KCNV2: variants seen among roughly 807,000 people sequenced by gnomAD.
KCNV2 encodes potassium voltage-gated channel modifier subfamily V member 2, also known as potassium voltage-gated channel subfamily V member 2.
In KCNV2, 65 loss-of-function variants were observed where a neutral mutation model predicts 37.0. That is an observed-to-expected ratio of 1.76 (90% CI 1.44 to 2.16). The LOEUF (loss-of-function observed/expected upper bound fraction) is 2.16. Among genes scored for constraint, KCNV2 ranks in the 30% most tolerant of loss-of-function variants. The pLI, the probability that KCNV2 is intolerant of heterozygous loss-of-function variation, is 0.00. For missense variants in KCNV2, 1,232 were observed against 766.7 expected, an observed-to-expected ratio of 1.61 and a Z score of -7.17; for synonymous variants, 518 against 328.6, an observed-to-expected ratio of 1.58 and a Z score of -6.23.
rs188289988 is a variant in KCNV2, at chr9:2,723,575, A to G, written c.1356+4480A>G. ...GAGGTTATTTGTGAGCACTAATGTA[A>G]TAGGAAACATATGTAAACTGCTAGC... On this transcript the variant is annotated intron_variant, in intron 1 of 1. Transcript: ENST00000382082. Among the ~76,000 whole-genome samples the G allele has an allele frequency of 5.9e-4, 90 of 152,308 alleles. 1 individual carries two copies. In the East Asian group the frequency reaches 0.017, roughly 28 times the overall value.
chr9:2,719,558 GA>G (rs1819824568), intron 1 of KCNV2, among the ~76,000 whole-genome samples: 1 of 152,088 alleles, frequency 6.6e-6, no homozygotes, highest in Non-Finnish European at 1.5e-5. Context: ...AGACTTGGCT[GA>G]ACCATGTTGA....
chr9:2,723,261 A>C (rs941677437), intron 1 of KCNV2, among the ~76,000 whole-genome samples: 2 of 152,212 alleles, frequency 1.3e-5, no homozygotes, highest in African/African-American at 4.8e-5. Context: ...CCTTTGTGAA[A>C]TATGCATCCC....
At chr9:2,722,662 C>T (rs921241971) in intron 1 of KCNV2, among the ~76,000 whole-genome samples, 2 of 150,440 alleles carry the variant, frequency 1.3e-5, no homozygotes, top group African/African-American at 2.5e-5. Flanking sequence ...GCCATAATAA[C>T]GATACATCAC....
At chr9:2,725,440 T>G (rs941071265) in intron 1 of KCNV2, among the ~76,000 whole-genome samples, 1 of 152,236 alleles carries the variant, frequency 6.6e-6, no homozygotes, top group African/African-American at 2.4e-5. Flanking sequence ...ATTCAGTATT[T>G]TAAAATAGTT....
chr9:2,725,636 G>C (rs1308882721), intron 1 of KCNV2, among the ~76,000 whole-genome samples: 1 of 152,142 alleles, frequency 6.6e-6, no homozygotes, highest in Non-Finnish European at 1.5e-5. Flanking sequence ...CACGTATTGA[G>C]GCTTATAATA....
rs2130861398 is a variant in KCNV2 at position 2,718,627 on chromosome 9, A to C, written c.888A>C (p.Pro296=). 1 of 1,613,196 alleles carries C rather than the reference A, an allele frequency of 6.2e-7. No homozygotes were observed. Among genetic ancestry groups the C allele is most frequent in the Non-Finnish European group, 8.5e-7 (1 of 1,179,826 alleles). Residue 296 remains proline, a synonymous_variant, in exon 1 of 2, where the codon CCA becomes CCC. Coordinates refer to ENST00000382082, the MANE Select transcript of KCNV2 (RefSeq NM_133497.4). ...ACTCGGGGCAGGGCGAGGGCGGCCC[A>C]GACCTGCGGCCCATCCTGGAGCACG... The part of the protein sequence containing the change: ...QQHSGQGEGG[P]DLRPILEHVE...
intron 1 of KCNV2, among the ~76,000 whole-genome samples, chr9:2,726,865 C>A (rs1163608629): frequency 2.0e-5 from 3 of 152,164 alleles, no homozygotes; most frequent in Admixed American, 6.5e-5. Context: ...CTATTGTTAA[C>A]TGCGCATGGG....
At position 2,718,048 on chromosome 9, in the gene KCNV2, G is replaced by C; in HGVS notation, c.309G>C (p.Val103=). Residue 103 remains valine (V), a synonymous_variant, in exon 1 of 2, where the codon GTG becomes GTC. Coordinates refer to ENST00000382082, the MANE Select transcript of KCNV2 (RefSeq NM_133497.4). ...TGCTGTCCACGCTGAATGTGAACGT[G>C]GGTGGCCACAGCTACCAGCTGGACT... ...PALLSTLNVN[V]GGHSYQLDYC... 3 of 1,609,690 alleles carry C rather than the reference G, an allele frequency of 1.9e-6. No homozygotes were observed. The highest frequency in any genetic ancestry group is 1.1e-5 in the South Asian group (1 of 90,570).
At chr9:2,727,664 C>T (rs565054937) in intron 1 of KCNV2, among the ~76,000 whole-genome samples, 1 of 152,110 alleles carries the variant, frequency 6.6e-6, no homozygotes, top group Non-Finnish European at 1.5e-5. Context: ...GTCTTTGCCT[C>T]TTCTCAGTGG....
Position 2,718,608 on chromosome 9 carries a change from G to C in KCNV2, c.869G>C (p.Gly290Ala), listed in dbSNP as rs1246524378. ...GTGGAGGAGATGCAGCAGCACTCGG[G>C]GCAGGGCGAGGGCGGCCCAGACCTG... is the stretch of plus-strand genomic sequence containing the variant. ...NTVEEMQQHS[G>A]QGEGGPDLRP... is the part of the protein sequence containing the mutation. Residue 290 changes from glycine (G) to alanine (A), a missense_variant, in exon 1 of 2, where the codon GGG (glycine) becomes GCG (alanine). Physicochemically the swap from Gly to Ala is moderately conservative, Grantham distance 60. Coordinates refer to ENST00000382082, the MANE Select transcript of KCNV2 (RefSeq NM_133497.4). 2.5e-6 allele frequency: 4 copies of C among 1,613,088 alleles called. No homozygotes were observed. The highest frequency in any genetic ancestry group is 3.4e-6 in the Non-Finnish European group (4 of 1,179,822).
At chr9:2,720,789 A>G (rs1819852585) in intron 1 of KCNV2, among the ~76,000 whole-genome samples, 1 of 152,256 alleles carries the variant, frequency 6.6e-6, no homozygotes, top group Non-Finnish European at 1.5e-5. Context: ...CCTTTTGTAT[A>G]TTAACAAATA....
chr9:2,725,150 C>T (rs553507940), intron 1 of KCNV2, among the ~76,000 whole-genome samples: 18 of 152,274 alleles, frequency 1.2e-4, no homozygotes, highest in African/African-American at 2.2e-4. Context: ...ATCATTATTG[C>T]GCACCTTTCT....
intron 1 of KCNV2, among the ~76,000 whole-genome samples, chr9:2,728,078 G>C (rs1819996124): frequency 6.6e-6 from 1 of 152,200 alleles, no homozygotes; most frequent in Non-Finnish European, 1.5e-5. Flanking sequence ...GGATGGAGCT[G>C]TGGTTCTCAT....
intron 1 of KCNV2, chr9:2,720,629 A>C (rs1819849014): frequency 6.6e-6 from 1 of 152,254 alleles, no homozygotes; most frequent in Non-Finnish European, 1.5e-5. Flanking sequence ...GCAGGAAAGC[A>C]GAAGAGTAAA....
chr9:2,718,521 C>G lies in KCNV2; in HGVS notation c.782C>G (p.Ala261Gly). ...CCATTCTCCTCGGTGGCCGCCAAGG[C>G]CATCGGGGTGGCCTCCAGCACCTTC... ...EKPFSSVAAK[A>G]IGVASSTFVL... Residue 261 changes from alanine to glycine, a missense_variant, in exon 1 of 2, where the codon GCC (alanine) becomes GGC (glycine). Transcript: ENST00000382082. 1 of 1,611,162 alleles carries G rather than the reference C, an allele frequency of 6.2e-7. No individual in the cohort carries two copies. The highest frequency in any genetic ancestry group is 8.5e-7 in the Non-Finnish European group (1 of 1,179,194).
rs74587818 is a variant in KCNV2 at position 2,718,415 on chromosome 9, G to T, written c.676G>T (p.Val226Phe). The change falls in exon 1 of 2, where the codon GTC becomes TTC. Residue 226 changes from valine to phenylalanine, a missense_variant. By Grantham distance (50) the Val-to-Phe change is conservative. Coordinates refer to ENST00000382082, the MANE Select transcript of KCNV2 (RefSeq NM_133497.4). ...IQHELRAQAQ[V>F]EEAEELFRDM... ...GCACGAGCTGCGCGCGCAGGCGCAGGTCGAGGAGGCGGAGGAACTCTTCCG... is the reference window on the plus strand; with the variant it reads ...GCACGAGCTGCGCGCGCAGGCGCAGTTCGAGGAGGCGGAGGAACTCTTCCG... The T allele has an allele frequency of 1.2e-6, 2 of 1,603,834 alleles. No homozygotes were observed. The highest frequency in any genetic ancestry group is 2.2e-5 in the East Asian group (1 of 44,454).
Position 2,718,073 on chromosome 9 carries a change from T to C in KCNV2, c.334T>C (p.Tyr112His). The change falls in exon 1 of 2, where the codon TAC becomes CAC. Residue 112 changes from tyrosine (Y) to histidine (H), a missense_variant. Physicochemically the swap from Tyr to His is moderately conservative, Grantham distance 83. Transcript: ENST00000382082. ...GGGTGGCCACAGCTACCAGCTGGACTACTGCGAGCTGGCCGGCTTCCCCAA... is the reference window on the plus strand; with the variant it reads ...GGGTGGCCACAGCTACCAGCTGGACCACTGCGAGCTGGCCGGCTTCCCCAA... The part of the protein sequence containing the change: ...NVGGHSYQLD[Y>H]CELAGFPKTR... The C allele has an allele frequency of 6.2e-7, 1 of 1,603,764 alleles. No individual in the cohort carries two copies. Among genetic ancestry groups the C allele is most frequent in the Non-Finnish European group, 8.5e-7 (1 of 1,174,782 alleles).
chr9:2,726,557 T>C (rs1399958057), intron 1 of KCNV2, among the ~76,000 whole-genome samples: 1 of 152,028 alleles, frequency 6.6e-6, no homozygotes, highest in Non-Finnish European at 1.5e-5. Context: ...AAGTTGAAAA[T>C]AAGCAGTTTA....
Position 2,717,854 on chromosome 9 carries a change from T to C in KCNV2, c.115T>C (p.Ser39Pro). ...SICSLGARSG[S>P]QASIHGWTEG... ...TTGCTCCCTGGGTGCCCGTTCCGGC[T>C]CCCAGGCCAGCATCCACGGCTGGAC... The change falls in exon 1 of 2, where the codon TCC (serine) becomes CCC (proline). Residue 39 changes from serine to proline, a missense_variant. Ser to Pro is a moderately conservative substitution (Grantham distance 74, BLOSUM62 -1). Transcript: ENST00000382082. 6.2e-7 allele frequency: 1 copy of C among 1,614,066 alleles called. No homozygotes were observed. Among genetic ancestry groups the C allele is most frequent in the Non-Finnish European group, 8.5e-7 (1 of 1,180,002 alleles).
Sources: gnomAD v4.1 joint callset for allele counts (sites outside exome capture counted in the v4.1 genomes callset) on GRCh38, gnomAD v4.1.1 for gene constraint, MANE v1.5 for transcripts, NCBI Gene and HGNC (gene_info 2026-07-23, HGNC 2026-07-21) for gene names.